TMEM132D: variants seen among roughly 807,000 people sequenced by gnomAD.
TMEM132D encodes mature OL transmembrane protein.
A neutral mutation model predicts 62.3 loss-of-function variants in TMEM132D; 21 were observed. The observed-to-expected ratio is 0.34, with a 90% CI of 0.24 to 0.49. The LOEUF (loss-of-function observed/expected upper bound fraction) is 0.49. Among genes scored for constraint, TMEM132D ranks in the 20% least tolerant of loss-of-function variants. The probability of loss-of-function intolerance (pLI) is 0.99; values close to 1 mark genes in which losing one functional copy is unlikely to be tolerated. For synonymous variants in TMEM132D, 621 were observed against 575.6 expected, an observed-to-expected ratio of 1.08 and a Z score of -1.13; for missense variants, 1,346 against 1,402.8, an observed-to-expected ratio of 0.96 and a Z score of 0.65.
chr12:129,541,833 T>C (rs532703391), intron 2 of TMEM132D, among the ~76,000 whole-genome samples: 1 of 152,284 alleles, frequency 6.6e-6, no homozygotes, highest in South Asian at 2.1e-4. Context: ...ATGATGATGA[T>C]TATTACCATT....
At chr12:129,788,373 T>A (rs1427917726) in intron 1 of TMEM132D, among the ~76,000 whole-genome samples, 3 of 152,230 alleles carry the variant, frequency 2.0e-5, no homozygotes, top group Non-Finnish European at 4.4e-5. Context: ...ATTTACATCT[T>A]CAAATGCATA....
intron 5 of TMEM132D, among the ~76,000 whole-genome samples, chr12:129,099,816 A>T (rs10459115): frequency 8.2e-6 from 1 of 121,666 alleles, no homozygotes; most frequent in South Asian, 2.1e-4. Context: ...ATTTTTTTTT[A>T]TTTTTTTTAT....
chr12:129,433,951 T>C (rs1254431877), intron 3 of TMEM132D, among the ~76,000 whole-genome samples: 6 of 152,094 alleles, frequency 3.9e-5, no homozygotes, highest in Admixed American at 2.6e-4. Flanking sequence ...AACAGAGAAA[T>C]TGATATTTCT....
intron 1 of TMEM132D, among the ~76,000 whole-genome samples, chr12:129,705,406 T>G (rs1881479668): frequency 6.6e-6 from 1 of 152,122 alleles, no homozygotes; most frequent in South Asian, 2.1e-4. Context: ...AAAGTAAAAT[T>G]TTAAAAACTA....
At chr12:129,594,301 T>C (rs1427348257) in intron 2 of TMEM132D, among the ~76,000 whole-genome samples, 2 of 152,088 alleles carry the variant, frequency 1.3e-5, no homozygotes, top group Non-Finnish European at 2.9e-5. Context: ...TTCAGGTGAG[T>C]CAAGAGATTT....
At chr12:129,285,232 C>A (rs1881258907) in intron 4 of TMEM132D, among the ~76,000 whole-genome samples, 1 of 151,878 alleles carries the variant, frequency 6.6e-6, no homozygotes, top group South Asian at 2.1e-4. Context: ...GAGAGAGAGG[C>A]TCTAGGCTGG....
chr12:129,113,319 C>T (rs1335122430), intron 5 of TMEM132D: 1 of 152,196 alleles, frequency 6.6e-6, no homozygotes, highest in Non-Finnish European at 1.5e-5. Context: ...CAGTGATTGG[C>T]TTTCTGTCCA....
chr12:129,577,195 C>T (rs750757090), intron 2 of TMEM132D, among the ~76,000 whole-genome samples: 3 of 151,808 alleles, frequency 2.0e-5, no homozygotes, highest in Admixed American at 6.6e-5. Flanking sequence ...TGGAGATGAA[C>T]TGCCCATGCC....
In TMEM132D at chr12:129,478,643, T is replaced by G. The variant is rs374732109; in HGVS notation, c.1115+52416A>C. Among the ~76,000 whole-genome samples the G allele has an allele frequency of 7.9e-5, 12 of 152,302 alleles. No homozygotes were observed. In the East Asian group the frequency reaches 2.1e-3, roughly 27 times the overall value. On this transcript the variant is annotated intron_variant, in intron 3 of 8. Transcript: ENST00000422113. ...CCTCTTAGATTTGCTGAGAGAGAAT[T>G]TTGGCACGTAGATTGTCTTGGTTTC... is the stretch of plus-strand genomic sequence containing the variant.
At chr12:129,676,410 T>G (rs1285766698) in intron 2 of TMEM132D, among the ~76,000 whole-genome samples, 1 of 152,238 alleles carries the variant, frequency 6.6e-6, no homozygotes, top group Non-Finnish European at 1.5e-5. Context: ...TGTTTTGCGT[T>G]GCTATAAAGG....
intron 3 of TMEM132D, among the ~76,000 whole-genome samples, chr12:129,406,397 G>C (rs977531072): frequency 6.6e-6 from 1 of 152,156 alleles, no homozygotes; most frequent in African/African-American, 2.4e-5. Context: ...GAGGCGCGTG[G>C]ATCACGAGGT....
intron 3 of TMEM132D, among the ~76,000 whole-genome samples, chr12:129,457,783 A>T (rs1473464393): frequency 6.6e-6 from 1 of 152,050 alleles, no homozygotes; most frequent in Admixed American, 6.5e-5. Context: ...AAACAACCAG[A>T]TCTCATGAGA....
chr12:129,759,045 T>G (rs1870264238), intron 1 of TMEM132D, among the ~76,000 whole-genome samples: 2 of 151,968 alleles, frequency 1.3e-5, no homozygotes, highest in Admixed American at 1.3e-4. Flanking sequence ...GTGATTCTCC[T>G]ACTTCAGTCT....
chr12:129,487,687 C>T (rs950468895), intron 3 of TMEM132D, among the ~76,000 whole-genome samples: 1 of 151,972 alleles, frequency 6.6e-6, no homozygotes, highest in Non-Finnish European at 1.5e-5. Flanking sequence ...AATCCCAGCA[C>T]TTTGGGAGGC....
chr12:129,544,130 CT>C (rs1876668636), intron 2 of TMEM132D, among the ~76,000 whole-genome samples: 2 of 152,156 alleles, frequency 1.3e-5, no homozygotes, highest in Admixed American at 6.5e-5. Flanking sequence ...TGTTTTCTTT[CT>C]TTTTGATCTT....
intron 2 of TMEM132D, among the ~76,000 whole-genome samples, chr12:129,662,140 G>A (rs1193655181): frequency 6.6e-6 from 1 of 152,172 alleles, no homozygotes; most frequent in Non-Finnish European, 1.5e-5. Flanking sequence ...GCAAGTGTGA[G>A]CTTTCTTTTT....
At chr12:129,211,972 C>CA (rs1218878348) in intron 4 of TMEM132D, 1 of 151,980 alleles carries the variant, frequency 6.6e-6, no homozygotes, top group Non-Finnish European at 1.5e-5. Flanking sequence ...GGGGGAGGAT[C>CA]AAAAGGAACA....
rs921713954 is a variant in TMEM132D at position 129,779,724 on chromosome 12, C to A, written c.80-79026G>T. Among the ~76,000 whole-genome samples the A allele has an allele frequency of 6.6e-6, 1 of 152,114 alleles. No homozygotes were observed. The highest frequency in any genetic ancestry group is 2.4e-5 in the African/African-American group (1 of 41,420). On this transcript the variant is annotated intron_variant, in intron 1 of 8. Transcript: ENST00000422113. The surrounding 1 kb of genome is among the most constrained non-coding windows in gnomAD (Gnocchi z 4.1). ...TTTTTAGACACAGCTCTTGTTCTGG[C>A]GAGTCTCATTACTTATGGTTTATTC...
At chr12:129,122,613 G>A (rs1279016449) in intron 5 of TMEM132D, among the ~76,000 whole-genome samples, 1 of 152,176 alleles carries the variant, frequency 6.6e-6, no homozygotes, top group Non-Finnish European at 1.5e-5. Context: ...CTCGATTCCA[G>A]AAAATTGTTC....
Sources: gnomAD v4.1 joint callset for allele counts (sites outside exome capture counted in the v4.1 genomes callset) on GRCh38, gnomAD v4.1.1 for gene constraint, Gnocchi (gnomAD v3.1) non-coding constraint, MANE v1.5 for transcripts, NCBI Gene and HGNC (gene_info 2026-07-23, HGNC 2026-07-21) for gene names.